Variants in TUT7 observed in about 807,000 individuals in gnomAD.
TUT7 encodes terminal uridylyl transferase 7.
In TUT7, 33 loss-of-function variants were observed where a neutral mutation model predicts 165.9. The observed-to-expected ratio is 0.20, with a 90% CI of 0.15 to 0.27. The LOEUF (loss-of-function observed/expected upper bound fraction) is 0.27, where lower values mean the gene tolerates loss of function less well. Ranked by LOEUF, TUT7 falls within the 10% of genes least tolerant of loss-of-function variation. The pLI, the probability that TUT7 is intolerant of heterozygous loss-of-function variation, is 1.00. For synonymous variants in TUT7, 552 were observed against 608.1 expected, an observed-to-expected ratio of 0.91 and a Z score of 1.36; for missense variants, 1,338 against 1,762.3, an observed-to-expected ratio of 0.76 and a Z score of 4.31.
chr9:86,341,120 C>A lies in TUT7; in HGVS notation c.1087-67G>T. 2.3e-6 allele frequency: 3 copies of A among 1,327,066 alleles called. No homozygotes were observed. In the South Asian group the frequency reaches 3.7e-5, roughly 16 times the overall value. 82.2% of individuals were successfully genotyped at this position (1,327,066 alleles called of 1,614,324 possible). ...GATTTTGCTTCACTGATATAAGAGT[C>A]ATCCGAAGTTCCCCAAATTCCTTTC... On this transcript the variant is annotated intron_variant, in intron 6 of 26. Coordinates refer to ENST00000375963, the MANE Select transcript of TUT7 (RefSeq NM_024617.4).
chr9:86,292,032 TA>T (rs1482469597), intron 26 of TUT7, among the ~76,000 whole-genome samples: 1 of 152,120 alleles, frequency 6.6e-6, no homozygotes, highest in African/African-American at 2.4e-5. Context: ...CAGCACCATA[TA>T]AAAGTTTTAA....
At position 86,323,683 on chromosome 9, in the gene TUT7, G is replaced by C; in HGVS notation, c.2067C>G (p.Thr689=). The change falls in exon 13 of 27, where the codon ACC becomes ACG. Residue 689 remains threonine, a synonymous_variant. Coordinates refer to ENST00000375963, the MANE Select transcript of TUT7 (RefSeq NM_024617.4). The part of the protein sequence containing the change: ...GPGATSSAAN[T]CKVQPLTLKE... ...TAAGAGTAAGTGGCTGTACCTTACA[G>C]GTATTTGCAGCTGAACTGGTAGCAC... 3.7e-6 allele frequency: 6 copies of C among 1,614,178 alleles called. No individual in the cohort carries two copies. Among genetic ancestry groups the C allele is most frequent in the Non-Finnish European group, 5.1e-6 (6 of 1,179,996 alleles).
At chr9:86,331,120 T>A (rs936632622) in intron 10 of TUT7, among the ~76,000 whole-genome samples, 60 of 152,262 alleles carry the variant, frequency 3.9e-4, no homozygotes, top group African/African-American at 1.4e-3. Flanking sequence ...ATCCATGGAA[T>A]CCTTTCAAAT....
rs1170863673 is a variant in TUT7 at position 86,346,365 on chromosome 9, C to G, written c.636G>C (p.Lys212Asn). The change falls in exon 3 of 27, where the codon AAG becomes AAC. Residue 212 changes from lysine (K) to asparagine (N), a missense_variant. Physicochemically the swap from Lys to Asn is moderately conservative, Grantham distance 94 (BLOSUM62 0). This residue lies in a region of TUT7 where 434 missense variants were observed against 480.8 expected (regional missense o/e 0.90). Transcript: ENST00000375963. ...PVIDESVLST[K>N]ELLGLQQAEE... ...CAGCCTGCTGTAAGCCTAGCAGCTC[C>G]TTCGTTGAAAGTACAGACTCATCGA... The G allele has an allele frequency of 6.2e-7, 1 of 1,614,116 alleles. No individual in the cohort carries two copies. The highest frequency in any genetic ancestry group is 2.2e-5 in the East Asian group (1 of 44,872).
Position 86,323,413 on chromosome 9 carries a change from A to T in TUT7, c.2337T>A (p.Arg779=). The T allele has an allele frequency of 1.4e-5, 22 of 1,614,172 alleles. No homozygotes were observed. Among genetic ancestry groups the T allele is most frequent in the Non-Finnish European group, 1.9e-5 (22 of 1,180,032 alleles). The change falls in exon 13 of 27, where the codon CGT becomes CGA. Residue 779 remains arginine, a synonymous_variant. Transcript: ENST00000375963. The part of the protein sequence containing the change: ...RGEHVVCGST[R]NNESESTLDL... ...CCAAAGTGCTCTCTGACTCATTATT[A>T]CGTGTGCTGCCACAGACAACATGCT...
rs749613567 is a variant in TUT7, at chr9:86,344,936, AC to A, written c.997+40del. The A allele has an allele frequency of 4.0e-6, 6 of 1,508,350 alleles. No individual in the cohort carries two copies. The African/African-American group carries it at 8.4e-5, about 21-fold the overall frequency. 93.4% of individuals were successfully genotyped at this position (1,508,350 alleles called of 1,614,324 possible). A position where few individuals can be genotyped will look rare whatever the true frequency, so the allele number is the denominator to read the frequency against. The stretch of plus-strand genomic sequence containing the variant: ...TATTGGTAGGAGAAATGAATGAGGT[AC>A]TTTTAGGTAGTTAAATAGAAAAACA... On this transcript the variant is annotated intron_variant, in intron 5 of 26. Transcript: ENST00000375963.
intron 3 of TUT7, 128 bp downstream of exon 3, chr9:86,346,171 T>C (rs1831742000): frequency 6.1e-6 from 5 of 821,398 alleles, no homozygotes; most frequent in Non-Finnish European, 5.7e-6. Flanking sequence ...CACTTTTAAC[T>C]TGTAGTGCTT....
At chr9:86,294,699 TG>T (rs1826163784) in intron 26 of TUT7, among the ~76,000 whole-genome samples, 1 of 151,476 alleles carries the variant, frequency 6.6e-6, no homozygotes, top group Non-Finnish European at 1.5e-5. Flanking sequence ...TTAAAGTCGT[TG>T]TAAGTAAACA....
intron 22 of TUT7, among the ~76,000 whole-genome samples, 198 bp downstream of exon 22, chr9:86,308,231 T>C (rs1447818962): frequency 6.6e-6 from 1 of 151,704 alleles, no homozygotes; most frequent in Non-Finnish European, 1.5e-5. Flanking sequence ...AGCAAAAAAT[T>C]TGTCATGGTG....
intron 2 of TUT7, among the ~76,000 whole-genome samples, chr9:86,351,078 G>A (rs1273953667): frequency 1.3e-5 from 2 of 150,300 alleles, no homozygotes; most frequent in Non-Finnish European, 2.9e-5. Flanking sequence ...AGGCCACAGT[G>A]AGAGGAGGTC....
chr9:86,352,304 CATTA>C (rs1832373249), intron 2 of TUT7, among the ~76,000 whole-genome samples: 1 of 151,892 alleles, frequency 6.6e-6, no homozygotes, highest in Non-Finnish European at 1.5e-5. Flanking sequence ...ATTATGAACA[CATTA>C]ATTATTCAAA....
intron 2 of TUT7, among the ~76,000 whole-genome samples, chr9:86,350,586 C>G (rs187359478): frequency 8.5e-5 from 13 of 152,340 alleles, no homozygotes; most frequent in African/African-American, 3.1e-4. Context: ...AATTTTAGTT[C>G]TACTTCCTCA....
In TUT7 at chr9:86,304,865, G is replaced by T. The variant is rs61729949; in HGVS notation, c.3969C>A (p.Pro1323=). The T allele has an allele frequency of 2.5e-4, 399 of 1,600,518 alleles. 1 individual carries two copies. The African/African-American group carries it at 4.7e-3, about 19-fold the overall frequency. The stretch of plus-strand genomic sequence containing the variant: ...TTTCCAACACACTTACCATTTTTGA[G>T]GGGTAGTCCTTTGGAAATCCCTTGA... ...IPVKGFPKDY[P]SKMEYFFDPD... is the part of the protein sequence containing the mutation. Residue 1323 remains proline (P), a synonymous_variant, in exon 24 of 27, where the codon CCC becomes CCA. Coordinates refer to ENST00000375963, the MANE Select transcript of TUT7 (RefSeq NM_024617.4).
chr9:86,345,359 A>G (rs1831664167), intron 4 of TUT7, among the ~76,000 whole-genome samples: 1 of 152,220 alleles, frequency 6.6e-6, no homozygotes, highest in African/African-American at 2.4e-5. Context: ...AGGTGGGCAT[A>G]AGGAGAAAGT....
At chr9:86,322,539 AATC>A in intron 13 of TUT7, 64 bp from the exon 14 acceptor site, 1 of 1,544,494 alleles carries the variant, frequency 6.5e-7, no homozygotes, top group Non-Finnish European at 8.7e-7. Flanking sequence ...AGGAGTCTGG[AATC>A]ATGTTTTAAA....
At chr9:86,329,448 G>A (rs756688156) in intron 10 of TUT7, among the ~76,000 whole-genome samples, 1 of 151,874 alleles carries the variant, frequency 6.6e-6, no homozygotes, top group Non-Finnish European at 1.5e-5. Context: ...GTTTGACCCT[G>A]GGAGGCAGAG....
chr9:86,330,593 TTAGA>T (rs1255960367), intron 10 of TUT7, among the ~76,000 whole-genome samples: 5 of 152,228 alleles, frequency 3.3e-5, no homozygotes, highest in South Asian at 2.1e-4. Context: ...AGTTTTAGAA[TTAGA>T]TAAAGTTTGA....
intron 14 of TUT7, among the ~76,000 whole-genome samples, chr9:86,320,985 AG>A (rs1345484764): frequency 2.6e-5 from 4 of 152,212 alleles, no homozygotes; most frequent in African/African-American, 9.6e-5. Context: ...CTTACACAGC[AG>A]GAAGAATAAC....
chr9:86,312,294 C>T (rs1196589510), intron 17 of TUT7, among the ~76,000 whole-genome samples: 3 of 151,232 alleles, frequency 2.0e-5, no homozygotes, highest in Non-Finnish European at 2.9e-5. Flanking sequence ...ATGTGAGGAG[C>T]GTCTCTGCCC....
Sources: allele counts gnomAD v4.1 joint callset (sites outside exome capture counted in the v4.1 genomes callset), GRCh38; gene constraint gnomAD v4.1.1; regional missense constraint gnomAD v4.1.1; transcripts MANE v1.5; gene names NCBI Gene and HGNC (gene_info 2026-07-23, HGNC 2026-07-21).